SEPTIN9: variants seen among roughly 807,000 people sequenced by gnomAD.
SEPTIN9 encodes septin 9, also known as septin-9.
Under a neutral mutation model 56.6 loss-of-function variants are expected in SEPTIN9, and 13 were observed. The observed-to-expected ratio is 0.23, with a 90% CI of 0.15 to 0.37. The LOEUF (loss-of-function observed/expected upper bound fraction) is 0.37. SEPTIN9 is among the 10% of genes least tolerant of loss of function. The pLI is 1.00. For missense variants in SEPTIN9, 650 were observed against 823.1 expected, an observed-to-expected ratio of 0.79 and a Z score of 2.57; for synonymous variants, 332 against 334.1, an observed-to-expected ratio of 0.99 and a Z score of 0.07.
In SEPTIN9 at chr17:77,313,172, G is replaced by C. The variant is rs541022534; in HGVS notation, c.76+5975G>C. On this transcript the variant is annotated intron_variant, in intron 2 of 11. Transcript: ENST00000427177. The surrounding 1 kb of genome is among the most constrained non-coding windows in gnomAD (Gnocchi z 4.5). Reference sequence around the variant, plus strand: ...GGGGCAAACTCTGCAAGGGCCCTTGGCCTCTGCACCCCCAGACCTCCCTCG... The same window carrying C: ...GGGGCAAACTCTGCAAGGGCCCTTGCCCTCTGCACCCCCAGACCTCCCTCG... Among the ~76,000 whole-genome samples, 66 of 152,368 alleles carry C rather than the reference G, an allele frequency of 4.3e-4. No homozygotes were observed. The highest frequency in any genetic ancestry group is 1.2e-3 in the African/African-American group (49 of 41,594).
chr17:77,489,055 A>T (rs199827263), intron 7 of SEPTIN9, among the ~76,000 whole-genome samples, 191 bp downstream of exon 7: 1 of 33,446 alleles, frequency 3.0e-5, no homozygotes, highest in African/African-American at 3.4e-4. Flanking sequence ...ACCCCTATGC[A>T]AGTGTCCTGC....
chr17:77,377,873 T>C (rs2034989028), intron 2 of SEPTIN9, among the ~76,000 whole-genome samples: 1 of 152,150 alleles, frequency 6.6e-6, no homozygotes, highest in Non-Finnish European at 1.5e-5. Context: ...GAATACTGCC[T>C]CTCTGCAGTT....
intron 3 of SEPTIN9, chr17:77,428,916 TG>T (rs2037017404): frequency 9.4e-6 from 4 of 427,536 alleles, no homozygotes; most frequent in Non-Finnish European, 2.0e-5. Context: ...GGGACAAATT[TG>T]GGGATTTAAT....
At position 77,329,709 on chromosome 17, in the gene SEPTIN9, TGAG is replaced by T. The variant is rs1472374338; in HGVS notation, c.76+22515_76+22517del. Among the ~76,000 whole-genome samples the T allele has an allele frequency of 6.6e-6, 1 of 152,134 alleles. No homozygotes were observed. The highest frequency in any genetic ancestry group is 1.9e-4 in the East Asian group (1 of 5,190). On this transcript the variant is annotated intron_variant, in intron 2 of 11. Transcript: ENST00000427177. This position sits in a 1 kb window ranked among gnomAD's most constrained non-coding sequence, Gnocchi z 4.3. ...AGCAGGAACCCTGGTGCCTGGTGCC[TGAG>T]GACTGCTGTCCACCGTCCCACCATC...
chr17:77,333,525 C>A (rs1490713841), intron 2 of SEPTIN9, among the ~76,000 whole-genome samples: 1 of 152,188 alleles, frequency 6.6e-6, no homozygotes, highest in African/African-American at 2.4e-5. Context: ...CCATGCCCGG[C>A]CTGTTCATTT....
At chr17:77,301,850 C>T (rs1464367070) in intron 1 of SEPTIN9, among the ~76,000 whole-genome samples, 1 of 152,186 alleles carries the variant, frequency 6.6e-6, no homozygotes, top group East Asian at 1.9e-4. Context: ...AGAGACTGTC[C>T]AGGCCTCATT....
chr17:77,471,723 G>T lies in SEPTIN9; in HGVS notation c.722-10421G>T, dbSNP rs189464635. ...CACGGGGGAACTTTTCTTTCTCTTT[G>T]TAAGTTTGCAGATTTGCCAGGAACT... On this transcript the variant is annotated intron_variant, in intron 3 of 11. Coordinates refer to ENST00000427177, the MANE Select transcript of SEPTIN9 (RefSeq NM_001113491.2). Among the ~76,000 whole-genome samples, 59 of 152,360 alleles carry T rather than the reference G, an allele frequency of 3.9e-4. 1 individual carries two copies. In the Middle Eastern group the frequency reaches 0.014, roughly 35 times the overall value.
chr17:77,324,460 C>T lies in SEPTIN9; in HGVS notation c.76+17263C>T, dbSNP rs56981813. On this transcript the variant is annotated intron_variant, in intron 2 of 11. Transcript: ENST00000427177. ...TGTGCTCCTGGTGAGGTGTCGGGGT[C>T]GGGCTTAGCCCCTGCAGGAATTCTG... 0.021 allele frequency among the ~76,000 whole-genome samples: 3,255 copies of T among 152,178 alleles called. 182 individuals are homozygous for T. The East Asian group carries it at 0.23, about 11-fold the overall frequency.
chr17:77,460,074 C>A (rs1216597308), intron 3 of SEPTIN9, among the ~76,000 whole-genome samples: 3 of 150,476 alleles, frequency 2.0e-5, no homozygotes, highest in African/African-American at 7.3e-5. Context: ...CCAAGCCCCA[C>A]CCCCCCCAGG....
chr17:77,419,376 A>AC (rs1004954088), intron 3 of SEPTIN9, among the ~76,000 whole-genome samples: 2 of 151,662 alleles, frequency 1.3e-5, no homozygotes, highest in South Asian at 2.1e-4. Context: ...CGCCGCAGGG[A>AC]CCCCGGCGCT....
intron 2 of SEPTIN9, among the ~76,000 whole-genome samples, chr17:77,352,351 G>A (rs949726695): frequency 6.6e-6 from 1 of 152,022 alleles, no homozygotes; most frequent in East Asian, 1.9e-4. Context: ...AGGTTGCAGT[G>A]AGCCGAGATC....
chr17:77,360,638 C>T (rs1393777083), intron 2 of SEPTIN9, among the ~76,000 whole-genome samples: 1 of 151,870 alleles, frequency 6.6e-6, no homozygotes, highest in Admixed American at 6.6e-5. Context: ...GATCTCCGCT[C>T]ACTGCAAGCT....
At chr17:77,464,637 G>C (rs1290918376) in intron 3 of SEPTIN9, among the ~76,000 whole-genome samples, 10 of 147,386 alleles carry the variant, frequency 6.8e-5, no homozygotes, top group Non-Finnish European at 1.3e-4. Flanking sequence ...GTCTCGCTCT[G>C]TCGCCCAGGC....
Position 77,327,372 on chromosome 17 carries a change from G to A in SEPTIN9, c.76+20175G>A, listed in dbSNP as rs1268512596. Among the ~76,000 whole-genome samples the A allele has an allele frequency of 6.6e-6, 1 of 152,188 alleles. No homozygotes were observed. Among genetic ancestry groups the A allele is most frequent in the Admixed American group, 6.5e-5 (1 of 15,284 alleles). ...GCCAGAGCTTCTGAAGCCGCTCGCT[G>A]TGTGCCCCCGCCTGGCCCCATGCAT... On this transcript the variant is annotated intron_variant, in intron 2 of 11. Coordinates refer to ENST00000427177, the MANE Select transcript of SEPTIN9 (RefSeq NM_001113491.2). The surrounding 1 kb of genome is among the most constrained non-coding windows in gnomAD (Gnocchi z 5.0).
intron 2 of SEPTIN9, among the ~76,000 whole-genome samples, chr17:77,356,396 C>T (rs1025299573): frequency 6.6e-5 from 10 of 151,772 alleles, no homozygotes; most frequent in East Asian, 2.0e-4. Context: ...TGGGGTTGGA[C>T]GGGTTGAGTG....
intron 3 of SEPTIN9, among the ~76,000 whole-genome samples, chr17:77,438,825 G>A (rs546081972): frequency 2.6e-5 from 4 of 152,312 alleles, no homozygotes; most frequent in South Asian, 4.1e-4. Context: ...CTTCTATCCC[G>A]GAAGAATTAG....
Position 77,402,343 on chromosome 17 carries a change from A to G in SEPTIN9, c.361A>G (p.Asn121Asp). The change falls in exon 3 of 12, where the codon AAC becomes GAC. Residue 121 changes from asparagine to aspartate, a missense_variant. Asn to Asp is a conservative substitution (Grantham distance 23). Coordinates refer to ENST00000427177, the MANE Select transcript of SEPTIN9 (RefSeq NM_001113491.2). This position sits in a 1 kb window ranked among gnomAD's most constrained non-coding sequence, Gnocchi z 6.6. ...SIDISSKQVE[N>D]AGAIGPSRFG... ...TGACATCTCGTCCAAGCAGGTGGAG[A>G]ACGCCGGGGCCATCGGCCCGTCCCG... 1.9e-6 allele frequency: 3 copies of G among 1,612,550 alleles called. No homozygotes were observed. Among genetic ancestry groups the G allele is most frequent in the Non-Finnish European group, 2.5e-6 (3 of 1,179,754 alleles).
At chr17:77,321,779 C>T (rs376332259) in intron 2 of SEPTIN9, among the ~76,000 whole-genome samples, 1 of 152,206 alleles carries the variant, frequency 6.6e-6, no homozygotes, top group African/African-American at 2.4e-5. Context: ...GCAGGCGGAC[C>T]TCAGGAGGGG....
chr17:77,488,614 G>C (rs2039895057), intron 6 of SEPTIN9, 113 bp from the exon 7 acceptor site: 2 of 1,441,688 alleles, frequency 1.4e-6, no homozygotes, highest in Non-Finnish European at 1.9e-6. Flanking sequence ...AGACCTCCCA[G>C]GGCATGCATT....
Sources: allele counts gnomAD v4.1 joint callset (sites outside exome capture counted in the v4.1 genomes callset), GRCh38; gene constraint gnomAD v4.1.1; non-coding constraint Gnocchi (gnomAD v3.1); transcripts MANE v1.5; gene names NCBI Gene and HGNC (gene_info 2026-07-23, HGNC 2026-07-21).